Variants in NFE2L3 observed in about 807,000 individuals in gnomAD.
The protein encoded by NFE2L3 is nuclear factor erythroid 2-related factor 3.
In NFE2L3, 18 loss-of-function variants were observed where a neutral mutation model predicts 23.5. The observed-to-expected ratio is 0.77, with a 90% CI of 0.53 to 1.13. The LOEUF is 1.13. Among genes scored for constraint, NFE2L3 ranks in the 50% most tolerant of loss-of-function variants. NFE2L3 has a pLI of 0.00. For missense variants in NFE2L3, 1,152 were observed against 877.2 expected (o/e 1.31, Z -3.96); for synonymous variants, 424 against 354.5 (o/e 1.20, Z -2.20).
chr7:26,180,996 A>C (rs1583938543), intron 2 of NFE2L3, among the ~76,000 whole-genome samples: 1 of 148,518 alleles, frequency 6.7e-6, no homozygotes, highest in South Asian at 2.1e-4. Flanking sequence ...GCGGCGGGGG[A>C]GACAGGATCT....
rs2128101193 is a variant in NFE2L3 at position 26,186,768 on chromosome 7, G to A, written c.*985G>A. On this transcript the variant is annotated 3_prime_UTR_variant, in exon 4 of 4. Transcript: ENST00000056233. ...AACCATCTGTTTAAAATGGGCAAAA[G>A]CGATTAAGGGAAAAAAAACAGGTGA... The A allele has an allele frequency of 6.6e-6, 1 of 151,954 alleles. No homozygotes were observed. The highest frequency in any genetic ancestry group is 2.4e-5 in the African/African-American group (1 of 41,442). The allele number at this position is 151,954 out of a possible 1,614,324, so 9.4% of individuals were successfully genotyped here. A position where few individuals can be genotyped will look rare whatever the true frequency, so the allele number is the denominator to read the frequency against.
rs1156386365 is a variant in NFE2L3 at position 26,184,612 on chromosome 7, T to G, written c.914T>G (p.Phe305Cys). Residue 305 changes from phenylalanine (F) to cysteine (C), a missense_variant, in exon 4 of 4, where the codon TTC becomes TGC. Transcript: ENST00000056233. Reference protein sequence around the residue: ...MNSSAHYHVNFSQAISQDVNL... With the variant: ...MNSSAHYHVNCSQAISQDVNL... Reference sequence around the variant, plus strand: ...TCTTCAGCACATTATCATGTAAACTTCAGCCAGGCTATAAGTCAGGATGTG... The same window carrying G: ...TCTTCAGCACATTATCATGTAAACTGCAGCCAGGCTATAAGTCAGGATGTG... 1.2e-6 allele frequency: 2 copies of G among 1,613,938 alleles called. No homozygotes were observed. The highest frequency in any genetic ancestry group is 2.2e-5 in the South Asian group (2 of 91,072).
intron 1 of NFE2L3, among the ~76,000 whole-genome samples, chr7:26,159,432 C>T (rs780361544): frequency 6.6e-5 from 10 of 152,190 alleles, no homozygotes; most frequent in Non-Finnish European, 1.3e-4. Context: ...ACTTGGCATC[C>T]TCTCCTTTGA....
chr7:26,184,548 G>A lies in NFE2L3; in HGVS notation c.850G>A (p.Asp284Asn). ...ENSLEGISLGDIPLPGSISDG... is the reference protein window; with the variant it reads ...ENSLEGISLGNIPLPGSISDG... ...CGTTTTTCAGGGCATCTCATTGGGA[G>A]ATATTCCTCTTCCAGGCAGTATCAG... Residue 284 changes from aspartate (D) to asparagine (N), a missense_variant, in exon 4 of 4, where the codon GAT becomes AAT. Coordinates refer to ENST00000056233, the MANE Select transcript of NFE2L3 (RefSeq NM_004289.7). 6.2e-7 allele frequency: 1 copy of A among 1,611,496 alleles called. No homozygotes were observed. The highest frequency in any genetic ancestry group is 1.7e-5 in the Admixed American group (1 of 59,870).
Position 26,152,199 on chromosome 7 carries a change from G to GCCTCCTGC in NFE2L3, c.-300_-299insCCTCCTGC. 1 of 173,514 alleles carries GCCTCCTGC rather than the reference G, an allele frequency of 5.8e-6. No homozygotes were observed. The highest frequency in any genetic ancestry group is 1.2e-5 in the Non-Finnish European group (1 of 82,470). 10.7% of individuals were successfully genotyped at this position (173,514 alleles called of 1,614,324 possible). On this transcript the variant is annotated 5_prime_UTR_variant, in exon 1 of 4. Transcript: ENST00000056233. The surrounding 1 kb of genome is among the most constrained non-coding windows in gnomAD (Gnocchi z 4.4). ...TCGGCTGCGCCCGCGGCCGGGGGCG[G>GCCTCCTGC]AGCTTGGCCACCGCGCCGGGCTGCG...
At chr7:26,162,606 A>T (rs1784189701) in intron 1 of NFE2L3, among the ~76,000 whole-genome samples, 1 of 152,138 alleles carries the variant, frequency 6.6e-6, no homozygotes, top group African/African-American at 2.4e-5. Flanking sequence ...CCCCCATGGA[A>T]CATGGGCCTC....
intron 1 of NFE2L3, among the ~76,000 whole-genome samples, chr7:26,162,941 G>C (rs1472692244): frequency 6.6e-6 from 1 of 151,984 alleles, no homozygotes; most frequent in Non-Finnish European, 1.5e-5. Flanking sequence ...CAAACTCCTG[G>C]GCTCAAATGA....
Position 26,186,110 on chromosome 7 carries a change from CAA to C in NFE2L3, c.*331_*332del, listed in dbSNP as rs1028118851. ...CTTTTTAAGAGTAAGTTGGTTACTT[CAA>C]AAAGAGCAAACACTGGGGATCAAAT... On this transcript the variant is annotated 3_prime_UTR_variant, in exon 4 of 4. Coordinates refer to ENST00000056233, the MANE Select transcript of NFE2L3 (RefSeq NM_004289.7). 20 of 199,564 alleles carry C rather than the reference CAA, an allele frequency of 1.0e-4. No homozygotes were observed. The highest frequency in any genetic ancestry group is 4.2e-4 in the African/African-American group (18 of 43,332). The allele number at this position is 199,564 out of a possible 1,614,324, so 12.4% of individuals were successfully genotyped here.
chr7:26,185,835 G>T lies in NFE2L3; in HGVS notation c.*52G>T. ...TGTGAAGTAGTAATGTTCAGAAACT[G>T]ATTATTTGGATCAGAAACCATTGAA... is the stretch of plus-strand genomic sequence containing the variant. On this transcript the variant is annotated 3_prime_UTR_variant, in exon 4 of 4. Transcript: ENST00000056233. 7.2e-7 allele frequency: 1 copy of T among 1,398,320 alleles called. No individual in the cohort carries two copies. Among genetic ancestry groups the T allele is most frequent in the South Asian group, 1.4e-5 (1 of 69,892 alleles). The allele number at this position is 1,398,320 out of a possible 1,614,324, so 86.6% of individuals were successfully genotyped here.
At chr7:26,183,336 T>G (rs576601624) in intron 2 of NFE2L3, among the ~76,000 whole-genome samples, 13 of 152,074 alleles carry the variant, frequency 8.5e-5, no homozygotes, top group African/African-American at 3.1e-4. Context: ...TCACTTGCGG[T>G]CAAAAGTTCG....
intron 2 of NFE2L3, among the ~76,000 whole-genome samples, chr7:26,182,837 A>C (rs1009078755): frequency 1.3e-5 from 2 of 152,186 alleles, no homozygotes; most frequent in African/African-American, 2.4e-5. Context: ...TCATTCTGTT[A>C]GGCTGGAGTG....
intron 1 of NFE2L3, among the ~76,000 whole-genome samples, chr7:26,154,898 T>C (rs1308685822): frequency 6.6e-6 from 1 of 152,196 alleles, no homozygotes; most frequent in Non-Finnish European, 1.5e-5. Flanking sequence ...CAAACCACTG[T>C]GGAGGCTCTG....
intron 1 of NFE2L3, among the ~76,000 whole-genome samples, chr7:26,163,453 TCTC>T (rs1240328344): frequency 1.3e-5 from 2 of 152,084 alleles, no homozygotes; most frequent in African/African-American, 4.8e-5. Flanking sequence ...TTCAAGCAAT[TCTC>T]CTGCCTCAGC....
rs771033011 is a variant in NFE2L3, at chr7:26,185,359, T to C, written c.1661T>C (p.Ile554Thr). Reference sequence around the variant, plus strand: ...CATATCCCTTTTTCTGTAGATGAAATTGTCGGCATGCCTGTTGATTCTTTC... The same window carrying C: ...CATATCCCTTTTTCTGTAGATGAAACTGTCGGCATGCCTGTTGATTCTTTC... Reference protein sequence around the residue: ...ALHIPFSVDEIVGMPVDSFNS... With the variant: ...ALHIPFSVDETVGMPVDSFNS... The change falls in exon 4 of 4, where the codon ATT becomes ACT. Residue 554 changes from isoleucine (I) to threonine (T), a missense_variant. Physicochemically the swap from Ile to Thr is moderately conservative, Grantham distance 89. Transcript: ENST00000056233. 1.9e-6 allele frequency: 3 copies of C among 1,614,100 alleles called. No homozygotes were observed. In the South Asian group the frequency reaches 3.3e-5, roughly 18 times the overall value.
intron 3 of NFE2L3, 27 bp downstream of exon 3, chr7:26,183,811 C>T (rs73281527): frequency 0.032 from 47,005 of 1,462,792 alleles, 866 homozygotes; most frequent in Middle Eastern, 0.053. Context: ...CTTTTATCCT[C>T]GCAGGAACAT....
intron 1 of NFE2L3, among the ~76,000 whole-genome samples, chr7:26,172,394 A>T (rs1784340275): frequency 1.3e-5 from 2 of 152,250 alleles, no homozygotes; most frequent in African/African-American, 4.8e-5. Flanking sequence ...ACATATGTGA[A>T]TTGAAACCAT....
At chr7:26,175,129 G>C (rs981473048) in intron 1 of NFE2L3, among the ~76,000 whole-genome samples, 1 of 150,750 alleles carries the variant, frequency 6.6e-6, no homozygotes, top group Admixed American at 6.6e-5. Context: ...GACGGATCAT[G>C]AGGTCAGGAG....
chr7:26,186,426 G>C lies in NFE2L3; in HGVS notation c.*643G>C, dbSNP rs1237593225. 1 of 152,214 alleles carries C rather than the reference G, an allele frequency of 6.6e-6. No individual in the cohort carries two copies. Among genetic ancestry groups the C allele is most frequent in the Non-Finnish European group, 1.5e-5 (1 of 68,142 alleles). The allele number at this position is 152,214 out of a possible 1,614,324, so 9.4% of individuals were successfully genotyped here. On this transcript the variant is annotated 3_prime_UTR_variant, in exon 4 of 4. Transcript: ENST00000056233. Reference sequence around the variant, plus strand: ...ACTGCTCAGACTCAAGCCAAATTGAGGTCAACATAGTATGCCAAATCCATA... The same window carrying C: ...ACTGCTCAGACTCAAGCCAAATTGACGTCAACATAGTATGCCAAATCCATA...
Position 26,152,591 on chromosome 7 carries a change from T to A in NFE2L3, c.93T>A (p.Asp31Glu). Residue 31 changes from aspartate (D) to glutamate (E), a missense_variant, in exon 1 of 4, where the codon GAT (aspartate) becomes GAA (glutamate). Asp to Glu is a conservative substitution (Grantham distance 45, BLOSUM62 2). Coordinates refer to ENST00000056233, the MANE Select transcript of NFE2L3 (RefSeq NM_004289.7). The surrounding 1 kb of genome is among the most constrained non-coding windows in gnomAD (Gnocchi z 4.4). ...LSLAGLRVDL[D>E]LYLLLPPPTL... The stretch of plus-strand genomic sequence containing the variant: ...TGGCGGGGCTCCGCGTAGACCTAGA[T>A]CTTTACCTGCTGCTGCCGCCGCCCA... The A allele has an allele frequency of 6.5e-7, 1 of 1,548,074 alleles. No individual in the cohort carries two copies. The highest frequency in any genetic ancestry group is 8.6e-7 in the Non-Finnish European group (1 of 1,158,356).
Sources: allele counts gnomAD v4.1 joint callset (sites outside exome capture counted in the v4.1 genomes callset), GRCh38; gene constraint gnomAD v4.1.1; non-coding constraint Gnocchi (gnomAD v3.1); transcripts MANE v1.5; gene names NCBI Gene and HGNC (gene_info 2026-07-23, HGNC 2026-07-21).